Variants in STRADB observed in about 807,000 individuals in gnomAD.
STRADB encodes the protein STE20-related kinase adapter protein beta.
Under a neutral mutation model 52.1 loss-of-function variants are expected in STRADB, and 34 were observed. That is an observed-to-expected ratio of 0.65 (90% CI 0.50 to 0.87). STRADB has a LOEUF of 0.87. STRADB is among the 40% of genes least tolerant of loss of function. The pLI, the probability that STRADB is intolerant of heterozygous loss-of-function variation, is 0.00. For synonymous variants in STRADB, 133 were observed against 174.5 expected (o/e 0.76, Z 1.87); for missense variants, 340 against 483.9 (o/e 0.70, Z 2.79).
rs539857567 is a variant in STRADB, at chr2:201,461,372, T to A, written c.93+2508T>A. 2.0e-5 allele frequency among the ~76,000 whole-genome samples: 3 copies of A among 152,160 alleles called. 1 individual carries two copies. In the South Asian group the frequency reaches 6.2e-4, roughly 32 times the overall value. ...CCCAGCTAATTAAAAGAGGTCTCAC[T>A]ATGTTGACCAGGCCGATCTTGAACT... On this transcript the variant is annotated intron_variant, in intron 3 of 11. Coordinates refer to ENST00000194530, the MANE Select transcript of STRADB (RefSeq NM_018571.6).
chr2:201,463,265 T>A (rs1223102751), intron 3 of STRADB, among the ~76,000 whole-genome samples: 1 of 136,778 alleles, frequency 7.3e-6, no homozygotes, highest in African/African-American at 2.8e-5. Context: ...ACTTGGGAGG[T>A]GGAGGTTGCA....
chr2:201,470,223 C>G (rs1306710003), intron 4 of STRADB, among the ~76,000 whole-genome samples, 171 bp downstream of exon 4: 1 of 152,158 alleles, frequency 6.6e-6, no homozygotes, highest in African/African-American at 2.4e-5. Context: ...AAAATAATGA[C>G]TCAGATTTTT....
chr2:201,458,656 C>T, intron 2 of STRADB, 128 bp from the exon 3 acceptor site: 1 of 691,750 alleles, frequency 1.4e-6, no homozygotes, highest in Non-Finnish European at 2.4e-6. Flanking sequence ...GCTTCAATTC[C>T]AAGTTTCTGC....
rs1050395094 is a variant in STRADB, at chr2:201,480,275, T to C, written c.*100T>C. The C allele has an allele frequency of 4.5e-6, 7 of 1,554,870 alleles. No individual in the cohort carries two copies. The highest frequency in any genetic ancestry group is 1.4e-5 in the African/African-American group (1 of 72,792). On this transcript the variant is annotated 3_prime_UTR_variant, in exon 12 of 12. Coordinates refer to ENST00000194530, the MANE Select transcript of STRADB (RefSeq NM_018571.6). ...CAAATACCAGAATTATACTTGAAAA[T>C]ACAGTTGGTGCACTGGAGAATCTAT...
rs111707981 is a variant in STRADB, at chr2:201,454,510, C to T, written c.-95-236C>T. Among the ~76,000 whole-genome samples the T allele has an allele frequency of 2.6e-3, 403 of 152,296 alleles. 4 individuals carry two copies. The highest frequency in any genetic ancestry group is 8.9e-3 in the African/African-American group (368 of 41,566). ...ATTGAGGCTTTGGAAATATTCAGGA[C>T]TTCTTTTTGTTTTCACTCTGCTTCT... On this transcript the variant is annotated intron_variant, in intron 1 of 11. Coordinates refer to ENST00000194530, the MANE Select transcript of STRADB (RefSeq NM_018571.6).
At chr2:201,470,942 T>G (rs1182887438) in intron 4 of STRADB, among the ~76,000 whole-genome samples, 1 of 152,210 alleles carries the variant, frequency 6.6e-6, no homozygotes, top group Non-Finnish European at 1.5e-5. Flanking sequence ...AGAAGCTGCA[T>G]GACAAGGACC....
At position 201,468,418 on chromosome 2, in the gene STRADB, G is replaced by C. The variant is rs558620344; in HGVS notation, c.94-1535G>C. ...GCAACAGCATCAAGCTTGCCCCTTTGTAGTTTTCTCCCTTTTTGAAAATTG... is the reference window on the plus strand; with the variant it reads ...GCAACAGCATCAAGCTTGCCCCTTTCTAGTTTTCTCCCTTTTTGAAAATTG... On this transcript the variant is annotated intron_variant, in intron 3 of 11. Transcript: ENST00000194530. Among the ~76,000 whole-genome samples, 40 of 152,198 alleles carry C rather than the reference G, an allele frequency of 2.6e-4. No individual in the cohort carries two copies. In the South Asian group the frequency reaches 8.3e-3, roughly 31 times the overall value.
At chr2:201,470,983 T>C (rs987522413) in intron 4 of STRADB, among the ~76,000 whole-genome samples, 9 of 152,166 alleles carry the variant, frequency 5.9e-5, no homozygotes, top group Admixed American at 1.3e-4. Flanking sequence ...GCCTAGTGAA[T>C]GTACTGCCCG....
intron 3 of STRADB, among the ~76,000 whole-genome samples, chr2:201,459,277 G>A (rs1460223540): frequency 2.6e-5 from 4 of 152,128 alleles, no homozygotes; most frequent in African/African-American, 9.7e-5. Context: ...CTGGCATCAA[G>A]CAGAACTGAT....
chr2:201,468,066 A>T, intron 3 of STRADB, among the ~76,000 whole-genome samples: 1 of 122,040 alleles, frequency 8.2e-6, no homozygotes, highest in Non-Finnish European at 1.7e-5. Context: ...GATGATTGTG[A>T]GTCCTGCCTT....
chr2:201,476,488 A>G (rs182060399), intron 7 of STRADB, among the ~76,000 whole-genome samples: 4 of 151,740 alleles, frequency 2.6e-5, no homozygotes, highest in African/African-American at 7.3e-5. Flanking sequence ...TTCTAAATTC[A>G]GTGTTTGGTA....
chr2:201,455,487 G>A (rs1166155741), intron 2 of STRADB, among the ~76,000 whole-genome samples: 1 of 152,116 alleles, frequency 6.6e-6, no homozygotes. Flanking sequence ...GCCAAGGCTA[G>A]AGAATCAGTT....
Position 201,451,760 on chromosome 2 carries a change from G to A in STRADB, c.-274G>A, listed in dbSNP as rs1007605522. 1 of 152,022 alleles carries A rather than the reference G, an allele frequency of 6.6e-6. No homozygotes were observed. Among genetic ancestry groups the A allele is most frequent in the Non-Finnish European group, 1.5e-5 (1 of 67,980 alleles). 9.4% of individuals were successfully genotyped at this position (152,022 alleles called of 1,614,324 possible). ...AATGCGTTCCCAGCGGGTAGCCTGG[G>A]ACTGGTGCAGAGTTCCAAGCCCACG... On this transcript the variant is annotated 5_prime_UTR_variant, in exon 1 of 12. Transcript: ENST00000194530.
rs368167251 is a variant in STRADB at position 201,477,697 on chromosome 2, G to A, written c.627G>A (p.Leu209=). The change falls in exon 8 of 12, where the codon TTG becomes TTA. Residue 209 remains leucine, a synonymous_variant. Transcript: ENST00000194530. ...CTGGCCTGTCCCATCTGCATAGTTT[G>A]GTTAAGCATGGACAGAGGCATAGGG... ...TLSGLSHLHS[L]VKHGQRHRAV... is the part of the protein sequence containing the mutation. 10 of 1,613,436 alleles carry A rather than the reference G, an allele frequency of 6.2e-6. No homozygotes were observed. The African/African-American group carries it at 1.3e-4, about 22-fold the overall frequency.
intron 2 of STRADB, among the ~76,000 whole-genome samples, chr2:201,456,435 G>T (rs1045586919): frequency 2.6e-5 from 4 of 152,114 alleles, no homozygotes; most frequent in Non-Finnish European, 5.9e-5. Context: ...GAATATCTTA[G>T]CCTATTATTC....
At chr2:201,467,026 C>T (rs1177126659) in intron 3 of STRADB, among the ~76,000 whole-genome samples, 1 of 152,262 alleles carries the variant, frequency 6.6e-6, no homozygotes, top group East Asian at 1.9e-4. Context: ...GTCTGTTCCT[C>T]AGCCTCTTAG....
At position 201,472,977 on chromosome 2, in the gene STRADB, T is replaced by A. The variant is rs574136843; in HGVS notation, c.216T>A (p.Thr72=). ...VEIGRGFDNL[T]SVHLARHTPT... ...CAGGAAGAGGATTTGACAACTTGAC[T>A]TCTGTCCATCTTGCACGGCATACTC... Residue 72 remains threonine, a synonymous_variant, in exon 5 of 12, where the codon ACT becomes ACA. Transcript: ENST00000194530. 1 of 1,609,822 alleles carries A rather than the reference T, an allele frequency of 6.2e-7. No homozygotes were observed. Among genetic ancestry groups the A allele is most frequent in the East Asian group, 2.2e-5 (1 of 44,770 alleles).
intron 8 of STRADB, 127 bp from the exon 9 acceptor site, chr2:201,477,960 T>C (rs1952506005): frequency 4.4e-6 from 5 of 1,148,190 alleles, no homozygotes; most frequent in Non-Finnish European, 6.2e-6. Context: ...ATGAAGTGTG[T>C]CTTGATTTGT....
At chr2:201,472,918 C>G (rs758488024) in intron 4 of STRADB, 37 bp from the exon 5 acceptor site, 9 of 1,519,228 alleles carry the variant, frequency 5.9e-6, no homozygotes, top group Non-Finnish European at 7.9e-6. Context: ...TTTTTTTCTT[C>G]TTTGGTTACT....
Sources: allele counts gnomAD v4.1 joint callset (sites outside exome capture counted in the v4.1 genomes callset), GRCh38; gene constraint gnomAD v4.1.1; transcripts MANE v1.5; gene names NCBI Gene and HGNC (gene_info 2026-07-23, HGNC 2026-07-21).